The following YTHDC1 variants were observed in gnomAD, a reference collection of about 807,000 sequenced individuals.
YTHDC1 encodes the protein YTH domain-containing protein 1.
Under a neutral mutation model 107.0 loss-of-function variants are expected in YTHDC1, and 12 were observed. That is an observed-to-expected ratio of 0.11 (90% CI 0.07 to 0.18). The LOEUF (loss-of-function observed/expected upper bound fraction) is 0.18, where lower values mean the gene tolerates loss of function less well. Ranked by LOEUF, YTHDC1 falls within the 10% of genes least tolerant of loss-of-function variation. The pLI, the probability that YTHDC1 is intolerant of heterozygous loss-of-function variation, is 1.00. For synonymous variants in YTHDC1, 280 were observed against 289.5 expected, an observed-to-expected ratio of 0.97 and a Z score of 0.33; for missense variants, 635 against 898.8, an observed-to-expected ratio of 0.71 and a Z score of 3.75.
In YTHDC1 at chr4:68,349,843, C is replaced by A; in HGVS notation, c.-90G>T. 1 of 1,579,966 alleles carries A rather than the reference C, an allele frequency of 6.3e-7. No individual in the cohort carries two copies. The highest frequency in any genetic ancestry group is 8.7e-7 in the Non-Finnish European group (1 of 1,154,252). On this transcript the variant is annotated 5_prime_UTR_variant, in exon 1 of 17. Transcript: ENST00000344157. ...CGCAGCCGCGGCAGAAGCACGGGCC[C>A]GTCCGTCAGTCCGTCTGCCCGGATA...
intron 16 of YTHDC1, among the ~76,000 whole-genome samples, chr4:68,315,472 G>A (rs2109674907): frequency 6.6e-6 from 1 of 152,234 alleles, no homozygotes; most frequent in East Asian, 1.9e-4. Context: ...ATCAACCTAA[G>A]TAGGGAGTGG....
At chr4:68,323,046 A>C (rs1560478285) in intron 10 of YTHDC1, 131 bp from the exon 11 acceptor site, 1 of 760,318 alleles carries the variant, frequency 1.3e-6, no homozygotes, top group African/African-American at 1.8e-5. Flanking sequence ...ATGGGATTCC[A>C]ATAAGACTTC....
rs201667679 is a variant in YTHDC1, at chr4:68,320,130, C to T, written c.1677G>A (p.Gln559=). The T allele has an allele frequency of 7.5e-6, 12 of 1,599,268 alleles. No homozygotes were observed. The highest frequency in any genetic ancestry group is 3.5e-5 in the Admixed American group (2 of 57,122). Reference sequence around the variant, plus strand: ...GGATTATAAAATATTAACCTGGTCTCTGGTGAAACTCAGGGGGATAGTCAA... The same window carrying T: ...GGATTATAAAATATTAACCTGGTCTTTGGTGAAACTCAGGGGGATAGTCAA... The part of the protein sequence containing the change: ...PRIDYPPEFH[Q]RPGYLKDPRY... Residue 559 remains glutamine, a synonymous_variant, in exon 12 of 17, where the codon CAG becomes CAA. Coordinates refer to ENST00000344157, the MANE Select transcript of YTHDC1 (RefSeq NM_001031732.4).
Position 68,318,573 on chromosome 4 carries a change from A to G in YTHDC1, c.1770T>C (p.Asn590=), listed in dbSNP as rs776076393. 6.2e-7 allele frequency: 1 copy of G among 1,612,842 alleles called. No individual in the cohort carries two copies. Among genetic ancestry groups the G allele is most frequent in the South Asian group, 1.1e-5 (1 of 90,646 alleles). The change falls in exon 15 of 17, where the codon AAT becomes AAC. Residue 590 remains asparagine (N), a synonymous_variant. Transcript: ENST00000344157. ...TGTTATGAAATTCCCTCACATAATC[A>G]TTGTAGGACTAAAATAAAAGATGAT... ...RRDVFLNGSY[N]DYVREFHNMG...
chr4:68,348,474 CAAAAA>C (rs34746525), intron 1 of YTHDC1, among the ~76,000 whole-genome samples: 1 of 120,984 alleles, frequency 8.3e-6, no homozygotes, highest in Admixed American at 8.7e-5. Context: ...CTGGATTTCT[CAAAAA>C]AAAAAAAAAA....
intron 15 of YTHDC1, among the ~76,000 whole-genome samples, chr4:68,318,161 A>C (rs1185451462): frequency 6.6e-6 from 1 of 152,146 alleles, no homozygotes; most frequent in East Asian, 1.9e-4. Flanking sequence ...GCAGTGGCGC[A>C]ATCTCGGCTC....
In YTHDC1 at chr4:68,314,286, C is replaced by T. The variant is rs747962858; in HGVS notation, c.1997G>A (p.Arg666His). The change falls in exon 17 of 17, where the codon CGC becomes CAC. Residue 666 changes from arginine (R) to histidine (H), a missense_variant. Transcript: ENST00000344157. The stretch of plus-strand genomic sequence containing the variant: ...CCGGCCACTGACAACAGCTTGTGTG[C>T]GACGAAGGAAATCATCCACCCTCAT... ...YDMRVDDFLRRTQAVVSGRRS... is the reference protein window; with the variant it reads ...YDMRVDDFLRHTQAVVSGRRS... The T allele has an allele frequency of 1.2e-6, 2 of 1,613,640 alleles. No homozygotes were observed. The highest frequency in any genetic ancestry group is 8.5e-7 in the Non-Finnish European group (1 of 1,179,950).
Position 68,322,741 on chromosome 4 carries a change from T to C in YTHDC1, c.1601+8A>G. ...GTGCCTATTATCAGTCCAAAGAACG[T>C]TTCTAACCTTCCCACATCCCGGACT... On this transcript the variant is annotated splice_region_variant and intron_variant, in intron 11 of 16. Coordinates refer to ENST00000344157, the MANE Select transcript of YTHDC1 (RefSeq NM_001031732.4). The surrounding 1 kb of genome is among the most constrained non-coding windows in gnomAD (Gnocchi z 4.8). 3 of 1,613,752 alleles carry C rather than the reference T, an allele frequency of 1.9e-6. No homozygotes were observed. Among genetic ancestry groups the C allele is most frequent in the East Asian group, 2.2e-5 (1 of 44,872 alleles).
Position 68,349,982 on chromosome 4 carries a change from G to C in YTHDC1, c.-229C>G. The C allele has an allele frequency of 1.6e-6, 1 of 625,342 alleles. No individual in the cohort carries two copies. The allele number at this position is 625,342 out of a possible 1,614,324, so 38.7% of individuals were successfully genotyped here. A position where few individuals can be genotyped will look rare whatever the true frequency, so the allele number is the denominator to read the frequency against. ...CGGCCTAGGCCCAGCCTTCTCGTTA[G>C]GGCTCAGACTCGGGCTAGGTATGGG... On this transcript the variant is annotated 5_prime_UTR_variant, in exon 1 of 17. Transcript: ENST00000344157.
chr4:68,320,142 A>G lies in YTHDC1; in HGVS notation c.1665T>C (p.Pro555=), dbSNP rs1722291861. 2 of 1,607,880 alleles carry G rather than the reference A, an allele frequency of 1.2e-6. No individual in the cohort carries two copies. The highest frequency in any genetic ancestry group is 1.7e-6 in the Non-Finnish European group (2 of 1,177,880). ...SRKKPRIDYP[P]EFHQRPGYLK... ...ATTAACCTGGTCTCTGGTGAAACTC[A>G]GGGGGATAGTCAATCCTTGGTTTCT... Residue 555 remains proline (P), a synonymous_variant, in exon 12 of 17, where the codon CCT becomes CCC. Coordinates refer to ENST00000344157, the MANE Select transcript of YTHDC1 (RefSeq NM_001031732.4).
rs1348763797 is a variant in YTHDC1 at position 68,311,674 on chromosome 4, T to A, written c.*2425A>T. On this transcript the variant is annotated 3_prime_UTR_variant, in exon 17 of 17. Coordinates refer to ENST00000344157, the MANE Select transcript of YTHDC1 (RefSeq NM_001031732.4). ...AAATTAGGAAAGGAGAAAACAGTGATGATTATGTGAGCCAACAGAATTGTT... is the reference window on the plus strand; with the variant it reads ...AAATTAGGAAAGGAGAAAACAGTGAAGATTATGTGAGCCAACAGAATTGTT... The A allele has an allele frequency of 1.3e-5, 2 of 152,198 alleles. No homozygotes were observed. Among genetic ancestry groups the A allele is most frequent in the Non-Finnish European group, 1.5e-5 (1 of 68,026 alleles). 9.4% of individuals were successfully genotyped at this position (152,198 alleles called of 1,614,324 possible).
chr4:68,337,195 C>T lies in YTHDC1; in HGVS notation c.715G>A (p.Glu239Lys). The change falls in exon 4 of 17, where the codon GAA becomes AAA. Residue 239 changes from glutamate (E) to lysine (K), a missense_variant. Around this residue, in one of 5 missense-constraint regions of YTHDC1, gnomAD observed 294 missense variants for 312.3 expected, o/e 0.94. Coordinates refer to ENST00000344157, the MANE Select transcript of YTHDC1 (RefSeq NM_001031732.4). ...GEEEEEEEEE[E>K]EEEEEEEEEE... ...TCTTCCTCCTCCTCCTCCTCCTCTT[C>T]CTCCTCCTCCTCTTCCTCCTCCTCC... is the stretch of plus-strand genomic sequence containing the variant. 1.3e-6 allele frequency: 2 copies of T among 1,583,126 alleles called. No homozygotes were observed. The highest frequency in any genetic ancestry group is 1.7e-6 in the Non-Finnish European group (2 of 1,154,066).
In YTHDC1 at chr4:68,322,757, A is replaced by C; in HGVS notation, c.1593T>G (p.Asp531Glu). Reference protein sequence around the residue: ...GRPSRREPVRDVGRRRPEDYD... With the variant: ...GRPSRREPVREVGRRRPEDYD... ...CAAAGAACGTTTCTAACCTTCCCAC[A>C]TCCCGGACTGGTTCTCGACGGGATG... Residue 531 changes from aspartate (D) to glutamate (E), a missense_variant, in exon 11 of 17, where the codon GAT becomes GAG. Coordinates refer to ENST00000344157, the MANE Select transcript of YTHDC1 (RefSeq NM_001031732.4). The surrounding 1 kb of genome is among the most constrained non-coding windows in gnomAD (Gnocchi z 4.8). 1 of 1,614,040 alleles carries C rather than the reference A, an allele frequency of 6.2e-7. No homozygotes were observed. The highest frequency in any genetic ancestry group is 8.5e-7 in the Non-Finnish European group (1 of 1,179,946).
At chr4:68,335,974 T>C (rs1310997494) in intron 4 of YTHDC1, among the ~76,000 whole-genome samples, 2 of 149,260 alleles carry the variant, frequency 1.3e-5, no homozygotes, top group Non-Finnish European at 3.0e-5. Context: ...GTATGTAGTA[T>C]AGATATATAC....
At position 68,350,054 on chromosome 4, in the gene YTHDC1, G is replaced by A; in HGVS notation, c.-301C>T. The A allele has an allele frequency of 3.8e-6, 2 of 529,488 alleles. No homozygotes were observed. The highest frequency in any genetic ancestry group is 4.6e-5 in the South Asian group (2 of 43,318). 32.8% of individuals were successfully genotyped at this position (529,488 alleles called of 1,614,324 possible). A position where few individuals can be genotyped will look rare whatever the true frequency, so the allele number is the denominator to read the frequency against. ...CGACGGCGGGCGGCGCTAAAATGGA[G>A]CCTGCTTCCTGCGCGAAACAATCCC... On this transcript the variant is annotated 5_prime_UTR_variant, in exon 1 of 17. Coordinates refer to ENST00000344157, the MANE Select transcript of YTHDC1 (RefSeq NM_001031732.4).
In YTHDC1 at chr4:68,310,409, G is replaced by T. The variant is rs373443297; in HGVS notation, c.*3690C>A. 162 of 152,262 alleles carry T rather than the reference G, an allele frequency of 1.1e-3. 1 individual carries two copies. Among genetic ancestry groups the T allele is most frequent in the African/African-American group, 3.8e-3 (156 of 41,548 alleles). 9.4% of individuals were successfully genotyped at this position (152,262 alleles called of 1,614,324 possible). On this transcript the variant is annotated 3_prime_UTR_variant, in exon 17 of 17. Transcript: ENST00000344157. ...TAGTAGTATTTAAGATACATTTAAT[G>T]TATTTATTAGTATTTAAGACAATAG...
At chr4:68,340,039 G>A (rs1181221634) in intron 1 of YTHDC1, among the ~76,000 whole-genome samples, 1 of 151,992 alleles carries the variant, frequency 6.6e-6, no homozygotes, top group Admixed American at 6.6e-5. Flanking sequence ...TGCCAAAGAG[G>A]AAGTATAAAG....
chr4:68,331,947 A>G (rs575630287), intron 7 of YTHDC1, among the ~76,000 whole-genome samples, 156 bp downstream of exon 7: 3 of 152,130 alleles, frequency 2.0e-5, no homozygotes, highest in African/African-American at 7.2e-5. Flanking sequence ...AAGTAGGCTG[A>G]CTGACTACAA....
At chr4:68,333,877 T>A (rs548355948) in intron 4 of YTHDC1, among the ~76,000 whole-genome samples, 1 of 152,124 alleles carries the variant, frequency 6.6e-6, no homozygotes, top group Non-Finnish European at 1.5e-5. Context: ...ACTGGAAAAA[T>A]ATATATACCA....
Sources: allele counts gnomAD v4.1 joint callset (sites outside exome capture counted in the v4.1 genomes callset), GRCh38; gene constraint gnomAD v4.1.1; regional missense constraint gnomAD v4.1.1; non-coding constraint Gnocchi (gnomAD v3.1); transcripts MANE v1.5; gene names NCBI Gene and HGNC (gene_info 2026-07-23, HGNC 2026-07-21).